Variants in TMEM132B observed in about 807,000 individuals in gnomAD.
TMEM132B encodes the protein transmembrane protein 132B.
TMEM132B carries 18 observed loss-of-function variants against 90.8 expected under a neutral mutation model. That is an observed-to-expected ratio of 0.20 (90% CI 0.14 to 0.29). The LOEUF (loss-of-function observed/expected upper bound fraction) is 0.29. Ranked by LOEUF, TMEM132B falls within the 10% of genes least tolerant of loss-of-function variation. The pLI, the probability that TMEM132B is intolerant of heterozygous loss-of-function variation, is 1.00. For synonymous variants in TMEM132B, 504 were observed against 523.3 expected, an observed-to-expected ratio of 0.96 and a Z score of 0.50; for missense variants, 1,096 against 1,326.8, an observed-to-expected ratio of 0.83 and a Z score of 2.70.
chr12:125,584,299 G>A, intron 5 of TMEM132B: 1 of 334,900 alleles, frequency 3.0e-6, no homozygotes, highest in Non-Finnish European at 5.6e-6. Flanking sequence ...TTCCTCGTAA[G>A]ACAATATTTT....
chr12:125,331,880 A>G (rs1440468343), intron 1 of TMEM132B, among the ~76,000 whole-genome samples: 2 of 152,094 alleles, frequency 1.3e-5, no homozygotes, highest in African/African-American at 4.8e-5. Flanking sequence ...TAGCCTCCCA[A>G]GTAGCTGGGA....
intron 4 of TMEM132B, among the ~76,000 whole-genome samples, chr12:125,568,695 C>CT (rs1566076604): frequency 6.6e-6 from 1 of 152,184 alleles, no homozygotes; most frequent in African/African-American, 2.4e-5. Flanking sequence ...AATTTCAGAG[C>CT]TTTTACCACT....
chr12:125,576,654 T>G (rs567746124), intron 4 of TMEM132B, among the ~76,000 whole-genome samples: 1 of 152,160 alleles, frequency 6.6e-6, no homozygotes, highest in Non-Finnish European at 1.5e-5. Flanking sequence ...CCTAATTTAT[T>G]GAGTAGTTTT....
At chr12:125,524,922 G>C (rs564373648) in intron 4 of TMEM132B, among the ~76,000 whole-genome samples, 7 of 152,318 alleles carry the variant, frequency 4.6e-5, no homozygotes, top group African/African-American at 1.7e-4. Flanking sequence ...GAGAGGGTCA[G>C]GGAAGAAAGG....
In TMEM132B at chr12:125,239,813, T is replaced by TG. The variant is rs141262975; in HGVS notation, c.67+52953dup. On this transcript the variant is annotated intron_variant, in intron 1 of 8. Transcript: ENST00000682704. ...GCCCCACTGCCTGCTCATGGTTTGT[T>TG]GGGGGGAAGTGGAGAGCAGGCCTTG... 1.2e-4 allele frequency among the ~76,000 whole-genome samples: 18 copies of TG among 152,240 alleles called. No individual in the cohort carries two copies. The South Asian group carries it at 2.3e-3, about 19-fold the overall frequency.
chr12:125,254,682 C>CTT (rs71447039), intron 1 of TMEM132B, among the ~76,000 whole-genome samples: 19,453 of 132,182 alleles, frequency 0.15, 1,919 homozygotes, highest in Admixed American at 0.26. Context: ...CCTCTTCCTA[C>CTT]TTTTTTTTTT....
intron 1 of TMEM132B, among the ~76,000 whole-genome samples, chr12:125,239,058 G>A (rs1874005533): frequency 6.6e-6 from 1 of 152,122 alleles, no homozygotes; most frequent in South Asian, 2.1e-4. Flanking sequence ...GTGAGGGGCG[G>A]GGTGAGGCAG....
chr12:125,611,875 T>C (rs1256764121), intron 5 of TMEM132B, among the ~76,000 whole-genome samples: 1 of 152,156 alleles, frequency 6.6e-6, no homozygotes, highest in Non-Finnish European at 1.5e-5. Flanking sequence ...AGAATATGTA[T>C]TTTGTTGTTG....
intron 3 of TMEM132B, among the ~76,000 whole-genome samples, chr12:125,509,505 T>C (rs1882926932): frequency 6.6e-6 from 1 of 151,910 alleles, no homozygotes; most frequent in African/African-American, 2.4e-5. Context: ...CAGAATGGAG[T>C]GTATAATGTG....
In TMEM132B at chr12:125,644,702, G is replaced by A. The variant is rs1192742345; in HGVS notation, c.1643+421G>A. Reference sequence around the variant, plus strand: ...GGAGCACAGTACAGTGGTTAAGACCGTGGGCTGTGGGATAAGGCTGCCTGA... The same window carrying A: ...GGAGCACAGTACAGTGGTTAAGACCATGGGCTGTGGGATAAGGCTGCCTGA... On this transcript the variant is annotated intron_variant, in intron 6 of 8. Transcript: ENST00000682704. 4.6e-5 allele frequency among the ~76,000 whole-genome samples: 7 copies of A among 152,048 alleles called. No individual in the cohort carries two copies. The East Asian group carries it at 5.8e-4, about 13-fold the overall frequency.
At chr12:125,212,975 G>A (rs1351787039) in intron 1 of TMEM132B, among the ~76,000 whole-genome samples, 2 of 151,870 alleles carry the variant, frequency 1.3e-5, no homozygotes, top group Admixed American at 1.3e-4. Flanking sequence ...GTACAAGTCC[G>A]TGGCATTTGG....
chr12:125,577,253 G>A (rs1349107906), intron 4 of TMEM132B, among the ~76,000 whole-genome samples: 1 of 151,106 alleles, frequency 6.6e-6, no homozygotes, highest in Non-Finnish European at 1.5e-5. Flanking sequence ...TTTTCATCTA[G>A]GTCATCTAGT....
At chr12:125,603,012 G>A (rs2097861) in intron 5 of TMEM132B, among the ~76,000 whole-genome samples, 34,909 of 152,058 alleles carry the variant, frequency 0.23, 4,384 homozygotes, top group South Asian at 0.29. Flanking sequence ...AAACAATATC[G>A]TGAAAATGGC....
rs114300962 is a variant in TMEM132B at position 125,393,803 on chromosome 12, G to A, written c.960-21728G>A. Reference sequence around the variant, plus strand: ...TTATAGTGATATGGAACAGTGCTTCGTGCAGGAACTTCATGGGACAAACCC... The same window carrying A: ...TTATAGTGATATGGAACAGTGCTTCATGCAGGAACTTCATGGGACAAACCC... On this transcript the variant is annotated intron_variant, in intron 2 of 8. Transcript: ENST00000682704. 4.2e-3 allele frequency among the ~76,000 whole-genome samples: 636 copies of A among 152,324 alleles called. 5 individuals are homozygous for A. The highest frequency in any genetic ancestry group is 0.015 in the African/African-American group (605 of 41,580).
intron 5 of TMEM132B, among the ~76,000 whole-genome samples, chr12:125,594,330 G>T (rs1417360611): frequency 6.6e-6 from 1 of 152,080 alleles, no homozygotes; most frequent in Non-Finnish European, 1.5e-5. Flanking sequence ...TTCTAATTTG[G>T]GGATCTTACA....
chr12:125,296,698 CTG>C (rs1277732470), intron 1 of TMEM132B, among the ~76,000 whole-genome samples: 2 of 152,240 alleles, frequency 1.3e-5, no homozygotes, highest in African/African-American at 4.8e-5. Context: ...GGGCTCCTAA[CTG>C]TCACCTGGGT....
intron 4 of TMEM132B, among the ~76,000 whole-genome samples, chr12:125,552,300 G>T (rs1177739234): frequency 1.3e-5 from 2 of 152,210 alleles, no homozygotes; most frequent in South Asian, 4.1e-4. Context: ...CTTCTGCAGG[G>T]TTAATATAGG....
chr12:125,289,411 T>C (rs867217731), intron 1 of TMEM132B, among the ~76,000 whole-genome samples: 2 of 152,202 alleles, frequency 1.3e-5, no homozygotes, highest in Non-Finnish European at 2.9e-5. Flanking sequence ...ATCCCCATTT[T>C]ACAGGAGAGA....
At chr12:125,525,224 C>T (rs917059260) in intron 4 of TMEM132B, among the ~76,000 whole-genome samples, 9 of 152,144 alleles carry the variant, frequency 5.9e-5, no homozygotes, top group Non-Finnish European at 1.2e-4. Context: ...TCATTTATTA[C>T]GGATCACAAA....
Sources: gnomAD v4.1 joint callset for allele counts (sites outside exome capture counted in the v4.1 genomes callset) on GRCh38, gnomAD v4.1.1 for gene constraint, MANE v1.5 for transcripts, NCBI Gene and HGNC (gene_info 2026-07-23, HGNC 2026-07-21) for gene names.